Variants in ZNF664 observed in about 807,000 individuals in gnomAD.
ZNF664 encodes zinc finger Organ of Corti 1.
In ZNF664, 10 loss-of-function variants were observed where a neutral mutation model predicts 18.2. The observed-to-expected ratio is 0.55, with a 90% confidence interval of 0.34 to 0.93. The LOEUF is 0.93. ZNF664 is among the 40% of genes least tolerant of loss of function. The probability of loss-of-function intolerance (pLI) is 0.02; values close to 1 mark genes in which losing one functional copy is unlikely to be tolerated. For synonymous variants in ZNF664, 119 were observed against 104.2 expected (o/e 1.14, Z -0.86); for missense variants, 193 against 319.0 (o/e 0.61, Z 3.01).
chr12:123,980,796 A>G (rs1956755539), intron 2 of ZNF664, among the ~76,000 whole-genome samples: 1 of 152,210 alleles, frequency 6.6e-6, no homozygotes, highest in Non-Finnish European at 1.5e-5. Context: ...GGAATTCGGT[A>G]GGATGTCGGG....
At chr12:124,000,769 G>A (rs1386840490) in intron 3 of ZNF664, among the ~76,000 whole-genome samples, 1 of 152,008 alleles carries the variant, frequency 6.6e-6, no homozygotes, top group Non-Finnish European at 1.5e-5. Context: ...TCTTCTACTT[G>A]GCTTCTTTCA....
At chr12:123,982,422 C>G (rs950519471) in intron 2 of ZNF664, among the ~76,000 whole-genome samples, 5 of 152,260 alleles carry the variant, frequency 3.3e-5, no homozygotes, top group African/African-American at 7.2e-5. Context: ...TGTGTCTGCC[C>G]TATGCTTCTA....
chr12:123,995,499 C>T (rs1219941136), intron 3 of ZNF664, among the ~76,000 whole-genome samples: 2 of 152,168 alleles, frequency 1.3e-5, no homozygotes, highest in Non-Finnish European at 2.9e-5. Context: ...AGCCAGTTTA[C>T]CATTTGTTCC....
intron 2 of ZNF664, among the ~76,000 whole-genome samples, chr12:123,977,135 A>C (rs917273445): frequency 3.9e-5 from 6 of 152,320 alleles, no homozygotes; most frequent in Non-Finnish European, 5.9e-5. Context: ...AGTGGGGATA[A>C]ATAAAAGCAA....
At chr12:123,977,005 G>A (rs967521192) in intron 2 of ZNF664, among the ~76,000 whole-genome samples, 4 of 152,100 alleles carry the variant, frequency 2.6e-5, no homozygotes, top group Admixed American at 2.6e-4. Context: ...GCGTGAACCC[G>A]GGAGGTGGAG....
intron 2 of ZNF664, among the ~76,000 whole-genome samples, chr12:123,974,737 A>G (rs186069531): frequency 6.8e-4 from 104 of 152,312 alleles, no homozygotes; most frequent in African/African-American, 2.5e-3. Flanking sequence ...TTTAACAAGG[A>G]CTGTTGCACC....
intron 2 of ZNF664, among the ~76,000 whole-genome samples, chr12:123,980,490 C>T (rs1241512565): frequency 6.6e-6 from 1 of 152,130 alleles, no homozygotes; most frequent in African/African-American, 2.4e-5. Flanking sequence ...CAGAGAAAAG[C>T]TTTCTGCACA....
Position 124,012,794 on chromosome 12 carries a change from A to G in ZNF664, c.650A>G (p.His217Arg). The G allele has an allele frequency of 6.2e-7, 1 of 1,613,742 alleles. No homozygotes were observed. Among genetic ancestry groups the G allele is most frequent in the Non-Finnish European group, 8.5e-7 (1 of 1,179,756 alleles). Residue 217 changes from histidine to arginine, a missense_variant, in exon 5 of 5, where the codon CAC becomes CGC. His to Arg is a conservative substitution (Grantham distance 29, BLOSUM62 0). Transcript: ENST00000337815. Reference sequence around the variant, plus strand: ...AGTCAGAGTTCGAGCCTGTGCATCCACCAGAGAGTCCACACAGGAGAGAAA... The same window carrying G: ...AGTCAGAGTTCGAGCCTGTGCATCCGCCAGAGAGTCCACACAGGAGAGAAA... ...AFSQSSSLCI[H>R]QRVHTGEKPF...
At chr12:123,997,981 TAC>T (rs1288554716) in intron 3 of ZNF664, 1 of 152,284 alleles carries the variant, frequency 6.6e-6, no homozygotes, top group South Asian at 2.1e-4. Context: ...AACGAAATCA[TAC>T]AGTTTTGGGA....
At position 124,014,952 on chromosome 12, in the gene ZNF664, G is replaced by C. The variant is rs1957175039; in HGVS notation, c.*2022G>C. On this transcript the variant is annotated 3_prime_UTR_variant, in exon 5 of 5. Transcript: ENST00000337815. ...TTTTTACAAAGAGAGGGCTGGCTTA[G>C]TTATTTGCCAAAGCCCCTTCCAGGC... 1 of 167,106 alleles carries C rather than the reference G, an allele frequency of 6.0e-6. No homozygotes were observed. The highest frequency in any genetic ancestry group is 1.5e-5 in the Non-Finnish European group (1 of 68,132). The allele number at this position is 167,106 out of a possible 1,614,324, so 10.4% of individuals were successfully genotyped here.
At chr12:123,998,104 G>A (rs558075631) in intron 3 of ZNF664, among the ~76,000 whole-genome samples, 2 of 152,170 alleles carry the variant, frequency 1.3e-5, no homozygotes, top group African/African-American at 4.8e-5. Context: ...AGAAGTGCAG[G>A]GTGTATCAGC....
At position 124,014,139 on chromosome 12, in the gene ZNF664, A is replaced by G. The variant is rs1423732090; in HGVS notation, c.*1209A>G. 6.3e-6 allele frequency: 1 copy of G among 158,174 alleles called. No individual in the cohort carries two copies. Among genetic ancestry groups the G allele is most frequent in the East Asian group, 2.3e-4 (1 of 4,268 alleles). 9.8% of individuals were successfully genotyped at this position (158,174 alleles called of 1,614,324 possible). A position where few individuals can be genotyped will look rare whatever the true frequency, so the allele number is the denominator to read the frequency against. On this transcript the variant is annotated 3_prime_UTR_variant, in exon 5 of 5. Transcript: ENST00000337815. ...TAGTTTGAGATAGTGATTAAGTGCTATGAAGAAAATAAACTAGGGTGATGA... is the reference window on the plus strand; with the variant it reads ...TAGTTTGAGATAGTGATTAAGTGCTGTGAAGAAAATAAACTAGGGTGATGA...
At chr12:124,010,237 G>C (rs1164303063) in intron 3 of ZNF664, among the ~76,000 whole-genome samples, 1 of 152,120 alleles carries the variant, frequency 6.6e-6, no homozygotes, top group Non-Finnish European at 1.5e-5. Flanking sequence ...CCTATAAGCA[G>C]TCCAGTTTAT....
Position 124,011,415 on chromosome 12 carries a change from AAG to A in ZNF664, c.-621_-620del, listed in dbSNP as rs1957134878. ...TCCAAGAGACACATCTTTGGAAGAT[AAG>A]AGAGCTTCTTCAAGACCAAAAAAGG... is the stretch of plus-strand genomic sequence containing the variant. On this transcript the variant is annotated 5_prime_UTR_variant, in exon 4 of 5. Coordinates refer to ENST00000337815, the MANE Select transcript of ZNF664 (RefSeq NM_152437.3). 2 of 1,011,862 alleles carry A rather than the reference AAG, an allele frequency of 2.0e-6. No individual in the cohort carries two copies. The highest frequency in any genetic ancestry group is 1.7e-5 in the African/African-American group (1 of 57,644). 62.7% of individuals were successfully genotyped at this position (1,011,862 alleles called of 1,614,324 possible). A position where few individuals can be genotyped will look rare whatever the true frequency, so the allele number is the denominator to read the frequency against.
At chr12:123,976,111 T>C (rs1387059243) in intron 2 of ZNF664, among the ~76,000 whole-genome samples, 2 of 152,226 alleles carry the variant, frequency 1.3e-5, no homozygotes, top group Non-Finnish European at 2.9e-5. Flanking sequence ...ACTTATTTTG[T>C]TCTCTTGAAG....
At position 124,012,120 on chromosome 12, in the gene ZNF664, G is replaced by A. The variant is rs764145589; in HGVS notation, c.-25G>A. On this transcript the variant is annotated 5_prime_UTR_variant, in exon 5 of 5. Coordinates refer to ENST00000337815, the MANE Select transcript of ZNF664 (RefSeq NM_152437.3). The stretch of plus-strand genomic sequence containing the variant: ...GTAATCATAAGGAAATTTTCTCCTT[G>A]AAATCACGATACCAAATAGGAAAAA... The A allele has an allele frequency of 4.8e-5, 76 of 1,579,120 alleles. No individual in the cohort carries two copies. The highest frequency in any genetic ancestry group is 6.0e-5 in the Non-Finnish European group (70 of 1,168,746).
chr12:123,981,015 G>A (rs1956759125), intron 2 of ZNF664, among the ~76,000 whole-genome samples: 1 of 152,120 alleles, frequency 6.6e-6, no homozygotes, highest in Admixed American at 6.5e-5. Context: ...TGTGAGTAGG[G>A]TAAGAACAAT....
chr12:123,983,303 T>C (rs968057114), intron 2 of ZNF664, among the ~76,000 whole-genome samples: 1 of 152,250 alleles, frequency 6.6e-6, no homozygotes, highest in South Asian at 2.1e-4. Context: ...AGCAGAAGCA[T>C]TCAAAATGTA....
At chr12:123,988,955 A>G (rs1200731863) in intron 3 of ZNF664, among the ~76,000 whole-genome samples, 1 of 152,200 alleles carries the variant, frequency 6.6e-6, no homozygotes, top group Non-Finnish European at 1.5e-5. Flanking sequence ...AAGAGAAAGG[A>G]AAGCCCTTGT....
Sources: allele counts gnomAD v4.1 joint callset (sites outside exome capture counted in the v4.1 genomes callset), GRCh38; gene constraint gnomAD v4.1.1; transcripts MANE v1.5; gene names NCBI Gene and HGNC (gene_info 2026-07-23, HGNC 2026-07-21).